VPS13D: variants seen among roughly 807,000 people sequenced by gnomAD.
VPS13D encodes intermembrane lipid transfer protein VPS13D.
Under a neutral mutation model 461.9 loss-of-function variants are expected in VPS13D, and 187 were observed. The ratio of observed to expected loss-of-function variants is 0.40; its 90% CI spans 0.36 to 0.46. The LOEUF is 0.46. Ranked by LOEUF, VPS13D falls within the 20% of genes least tolerant of loss-of-function variation. The pLI is 0.60. For synonymous variants in VPS13D, 1,951 were observed against 1,986.3 expected (o/e 0.98, Z 0.47); for missense variants, 4,711 against 5,364.9 (o/e 0.88, Z 3.81).
intron 60 of VPS13D, among the ~76,000 whole-genome samples, chr1:12,389,735 T>C (rs538374774): frequency 6.6e-6 from 1 of 152,306 alleles, no homozygotes; most frequent in Admixed American, 6.5e-5. Flanking sequence ...CCTCATCAGG[T>C]CATGGTTTTG....
intron 69 of VPS13D, among the ~76,000 whole-genome samples, chr1:12,508,167 G>T (rs1234101757): frequency 6.6e-6 from 1 of 152,234 alleles, no homozygotes; most frequent in Non-Finnish European, 1.5e-5. Flanking sequence ...ACTGTAGCAG[G>T]TGGGCAGCCT....
At chr1:12,253,544 C>T (rs755308240) in intron 6 of VPS13D, among the ~76,000 whole-genome samples, 178 bp from the exon 7 acceptor site, 14 of 152,142 alleles carry the variant, frequency 9.2e-5, no homozygotes, top group Non-Finnish European at 1.6e-4. Flanking sequence ...CTGTTTGTAT[C>T]GCCAGTTAGC....
intron 63 of VPS13D, among the ~76,000 whole-genome samples, chr1:12,411,212 C>T (rs1644723007): frequency 6.6e-6 from 1 of 152,114 alleles, no homozygotes; most frequent in Non-Finnish European, 1.5e-5. Context: ...ACTAGAAAAT[C>T]TAAAAGTATT....
At chr1:12,410,251 G>A (rs748832631) in intron 63 of VPS13D, among the ~76,000 whole-genome samples, 1 of 152,218 alleles carries the variant, frequency 6.6e-6, no homozygotes, top group Non-Finnish European at 1.5e-5. Context: ...AGTCTTCTAA[G>A]CAGTTTTGTG....
At chr1:12,233,119 C>T (rs1231449259) in intron 1 of VPS13D, among the ~76,000 whole-genome samples, 2 of 152,010 alleles carry the variant, frequency 1.3e-5, no homozygotes, top group Non-Finnish European at 2.9e-5. Context: ...GATTCTCCTG[C>T]CTCAGCCTCC....
At chr1:12,258,660 C>T (rs1640998409) in intron 10 of VPS13D, among the ~76,000 whole-genome samples, 1 of 152,216 alleles carries the variant, frequency 6.6e-6, no homozygotes, top group East Asian at 1.9e-4. Flanking sequence ...AGCTGTCTGC[C>T]TGCTCTCTTT....
Position 12,366,037 on chromosome 1 carries a change from A to G in VPS13D, c.10449-2431A>G, listed in dbSNP as rs1225944237. Among the ~76,000 whole-genome samples the G allele has an allele frequency of 1.1e-4, 16 of 151,764 alleles. 1 individual carries two copies. Among genetic ancestry groups the G allele is most frequent in the African/African-American group, 4.8e-5 (2 of 41,328 alleles). On this transcript the variant is annotated intron_variant, in intron 52 of 69. Coordinates refer to ENST00000620676, the MANE Select transcript of VPS13D (RefSeq NM_015378.4). ...TCCTGCCTACTGAGTAGCTAGGACT[A>G]TAGGCATGCACCACCATGCCTGGCT...
rs192469641 is a variant in VPS13D, at chr1:12,345,508, C to T, written c.9020C>T (p.Thr3007Met). The T allele has an allele frequency of 2.1e-5, 33 of 1,608,530 alleles. 1 individual carries two copies. In the South Asian group the frequency reaches 2.5e-4, roughly 12 times the overall value. Residue 3007 changes from threonine (T) to methionine (M), a missense_variant and splice_region_variant, in exon 43 of 70, where the codon ACG becomes ATG. Coordinates refer to ENST00000620676, the MANE Select transcript of VPS13D (RefSeq NM_015378.4). Reference sequence around the variant, plus strand: ...CCAGATAAAAATTCATCTTCCTCTACGGTGTGTGACATTCAGGAAGTCAGA... The same window carrying T: ...CCAGATAAAAATTCATCTTCCTCTATGGTGTGTGACATTCAGGAAGTCAGA... Reference protein sequence around the residue: ...AAPDKNSSSSTIGSPSSRTNI... With the variant: ...AAPDKNSSSSMIGSPSSRTNI...
intron 67 of VPS13D, among the ~76,000 whole-genome samples, chr1:12,481,688 A>G (rs1645719350): frequency 6.6e-6 from 1 of 152,212 alleles, no homozygotes; most frequent in African/African-American, 2.4e-5. Flanking sequence ...ATTTCAAAGC[A>G]AAGTTGATTT....
intron 3 of VPS13D, among the ~76,000 whole-genome samples, chr1:12,243,864 C>T (rs750454086): frequency 1.1e-4 from 17 of 152,122 alleles, no homozygotes; most frequent in Non-Finnish European, 2.1e-4. Context: ...TGCTTATCAA[C>T]CAGACAATGA....
Position 12,277,403 on chromosome 1 carries a change from T to A in VPS13D, c.3815T>A (p.Phe1272Tyr). 7 of 1,614,252 alleles carry A rather than the reference T, an allele frequency of 4.3e-6. No individual in the cohort carries two copies. Among genetic ancestry groups the A allele is most frequent in the Non-Finnish European group, 5.9e-6 (7 of 1,180,044 alleles). ...EDAALTEALS[F>Y]TFVERSKQEC... ...GCAGCCCTCACTGAAGCTTTGAGTT[T>A]CACGTTTGTTGAGAGATCTAAACAG... is the stretch of plus-strand genomic sequence containing the variant. Residue 1272 changes from phenylalanine (F) to tyrosine (Y), a missense_variant, in exon 19 of 70, where the codon TTC becomes TAC. Around this residue, in one of 3 missense-constraint regions of VPS13D, gnomAD observed 4,411 missense variants for 4,937.8 expected, o/e 0.89. Coordinates refer to ENST00000620676, the MANE Select transcript of VPS13D (RefSeq NM_015378.4).
At chr1:12,247,522 CA>C (rs1445526775) in intron 5 of VPS13D, among the ~76,000 whole-genome samples, 2 of 149,370 alleles carry the variant, frequency 1.3e-5, no homozygotes, top group African/African-American at 4.9e-5. Flanking sequence ...CCAAAAAAAA[CA>C]AAAACAAAAA....
At chr1:12,416,988 C>T (rs939267975) in intron 65 of VPS13D, among the ~76,000 whole-genome samples, 161 bp downstream of exon 65, 1 of 152,146 alleles carries the variant, frequency 6.6e-6, no homozygotes, top group African/African-American at 2.4e-5. Context: ...CACCTGCCAC[C>T]AGGTGCACTG....
intron 62 of VPS13D, 91 bp downstream of exon 62, chr1:12,401,795 T>C (rs999696341): frequency 1.0e-6 from 1 of 971,748 alleles, no homozygotes; most frequent in Admixed American, 1.9e-5. Flanking sequence ...CCCCTTGGTG[T>C]CTGATAGGCT....
intron 58 of VPS13D, among the ~76,000 whole-genome samples, chr1:12,384,302 G>A (rs1280339671): frequency 6.6e-6 from 1 of 152,162 alleles, no homozygotes; most frequent in Non-Finnish European, 1.5e-5. Context: ...GAAGGAGTCA[G>A]TAATGGCCTC....
rs145427300 is a variant in VPS13D at position 12,349,318 on chromosome 1, T to C, written c.9375T>C (p.Ile3125=). The C allele has an allele frequency of 2.5e-6, 4 of 1,614,184 alleles. No homozygotes were observed. In the African/African-American group the frequency reaches 4.0e-5, roughly 16 times the overall value. The change falls in exon 46 of 70, where the codon ATT becomes ATC. Residue 3125 remains isoleucine, a synonymous_variant. Coordinates refer to ENST00000620676, the MANE Select transcript of VPS13D (RefSeq NM_015378.4). ...CCAATGTAGTGAAGACTGCAGAAAT[T>C]AGTAGCAGTAAACGAGAGTGCCACT... ...HWTNVVKTAE[I]SSSKRECHSM... is the part of the protein sequence containing the mutation.
chr1:12,332,660 G>A (rs1643360442), intron 37 of VPS13D, among the ~76,000 whole-genome samples: 1 of 152,172 alleles, frequency 6.6e-6, no homozygotes, highest in African/African-American at 2.4e-5. Flanking sequence ...TGAGATGGTA[G>A]GGAATGGCCC....
intron 43 of VPS13D, among the ~76,000 whole-genome samples, chr1:12,346,148 G>A (rs1643670826): frequency 3.3e-5 from 5 of 152,162 alleles, no homozygotes; most frequent in Admixed American, 2.0e-4. Flanking sequence ...TGGGTAGCCA[G>A]TAGTGAGGTG....
intron 67 of VPS13D, among the ~76,000 whole-genome samples, chr1:12,480,958 A>G (rs1052537714): frequency 4.6e-5 from 7 of 152,152 alleles, no homozygotes; most frequent in African/African-American, 1.4e-4. Flanking sequence ...GTCAACTTCA[A>G]GTTTGCCCTA....
Sources: gnomAD v4.1 joint callset for allele counts (sites outside exome capture counted in the v4.1 genomes callset) on GRCh38, gnomAD v4.1.1 for gene constraint, gnomAD v4.1.1 regional missense constraint, MANE v1.5 for transcripts, NCBI Gene and HGNC (gene_info 2026-07-23, HGNC 2026-07-21) for gene names.